Variants in PZP observed in about 807,000 individuals in gnomAD.
PZP encodes the protein PZP alpha-2-macroglobulin like.
PZP carries 150 observed loss-of-function variants against 179.8 expected under a neutral mutation model. That is an observed-to-expected ratio of 0.83 (90% CI 0.73 to 0.96). The LOEUF is 0.96. Among genes scored for constraint, PZP ranks in the 40% least tolerant of loss-of-function variants. The pLI is 0.00. For synonymous variants in PZP, 624 were observed against 652.3 expected (o/e 0.96, Z 0.66); for missense variants, 1,689 against 1,764.0 (o/e 0.96, Z 0.76).
In PZP at chr12:9,196,664, T is replaced by TCA; in HGVS notation, c.888_889insTG (p.Thr297Ter). ...AGCATTTTGGTGTGTACTTGTTGGG[T>TCA]GATGCAGCCATTGCTGTTAAGCTGA... On this transcript the variant is annotated frameshift_variant, in exon 9 of 36. Coordinates refer to ENST00000261336, the MANE Select transcript of PZP (RefSeq NM_002864.3). LOFTEE classifies it high-confidence loss of function. 1 of 1,612,362 alleles carries TCA rather than the reference T, an allele frequency of 6.2e-7. No homozygotes were observed. Among genetic ancestry groups the TCA allele is most frequent in the Non-Finnish European group, 8.5e-7 (1 of 1,178,442 alleles).
rs1447905512 is a variant in PZP, at chr12:9,149,558, TA to T, written c.4426+2del. Reference sequence around the variant, plus strand: ...GTACTGGTCATAAGTGGTGAACTCTTACCTGTGCTGCAGGGGGCGATATACT... The same window carrying T: ...GTACTGGTCATAAGTGGTGAACTCTTCCTGTGCTGCAGGGGGCGATATACT... On this transcript the variant is annotated splice_donor_variant, in intron 35 of 35. Coordinates refer to ENST00000261336, the MANE Select transcript of PZP (RefSeq NM_002864.3). LOFTEE classifies it high-confidence loss of function. 4 of 1,612,390 alleles carry T rather than the reference TA, an allele frequency of 2.5e-6. No homozygotes were observed. The Admixed American group carries it at 6.7e-5, about 27-fold the overall frequency.
intron 28 of PZP, 55 bp from the exon 29 acceptor site, chr12:9,154,894 G>T: frequency 6.7e-7 from 1 of 1,486,504 alleles, no homozygotes; most frequent in African/African-American, 1.4e-5. Context: ...AATTATAACT[G>T]GTAGATAAGA....
At chr12:9,165,057 C>G (rs976226005) in intron 19 of PZP, 82 bp downstream of exon 19, 1 of 1,489,636 alleles carries the variant, frequency 6.7e-7, no homozygotes, top group Non-Finnish European at 9.3e-7. Flanking sequence ...TATCCTTAGT[C>G]TCAGGAACAG....
At chr12:9,142,790 A>G in the PZP span, among the ~76,000 whole-genome samples, 1 of 152,234 alleles carries the variant, frequency 6.6e-6, no homozygotes, top group Non-Finnish European at 1.5e-5. Flanking sequence ...CTGAGAGACA[A>G]AGACAGATTT....
At chr12:9,151,464 A>T in intron 33 of PZP, 140 bp downstream of exon 33, 1 of 583,250 alleles carries the variant, frequency 1.7e-6, no homozygotes. Flanking sequence ...TTCCCCTCTT[A>T]TTCTTCTTGG....
chr12:9,192,830 C>T lies in PZP; in HGVS notation c.1255-91G>A, dbSNP rs927003112. 4 of 861,936 alleles carry T rather than the reference C, an allele frequency of 4.6e-6. No individual in the cohort carries two copies. The African/African-American group carries it at 5.0e-5, about 11-fold the overall frequency. 53.4% of individuals were successfully genotyped at this position (861,936 alleles called of 1,614,324 possible). A position where few individuals can be genotyped will look rare whatever the true frequency, so the allele number is the denominator to read the frequency against. ...AATGAATAGTTACAACGGTGTCTTC[C>T]ACTCTAAAATACACTATGCCTCTCC... is the stretch of plus-strand genomic sequence containing the variant. On this transcript the variant is annotated intron_variant, in intron 11 of 35. Coordinates refer to ENST00000261336, the MANE Select transcript of PZP (RefSeq NM_002864.3).
chr12:9,169,036 T>G, intron 16 of PZP, 62 bp from the exon 17 acceptor site: 1 of 1,238,280 alleles, frequency 8.1e-7, no homozygotes, highest in Non-Finnish European at 1.2e-6. Flanking sequence ...AAACATATTA[T>G]CCTTAGAGAC....
At position 9,154,795 on chromosome 12, in the gene PZP, C is replaced by G. The variant is rs767201731; in HGVS notation, c.3595G>C (p.Val1199Leu). The G allele has an allele frequency of 2.5e-6, 4 of 1,614,006 alleles. No homozygotes were observed. In the African/African-American group the frequency reaches 4.0e-5, roughly 16 times the overall value. ...GCCTGGGTTTGGTAAAGATGCCCCA[C>G]TGGTGCCTTGGGTCTCTGAGGGCGC... ...WERPQRPKAP[V>L]GHLYQTQAPS... The change falls in exon 29 of 36, where the codon GTG (valine) becomes CTG (leucine). Residue 1199 changes from valine (V) to leucine (L), a missense_variant. Physicochemically the swap from Val to Leu is conservative, Grantham distance 32. This residue lies in a region of PZP where 746 missense variants were observed against 749.2 expected (regional missense o/e 1.00). Coordinates refer to ENST00000261336, the MANE Select transcript of PZP (RefSeq NM_002864.3).
chr12:9,181,967 T>G lies in PZP; in HGVS notation c.1689+8A>C. 1 of 1,612,430 alleles carries G rather than the reference T, an allele frequency of 6.2e-7. No individual in the cohort carries two copies. The highest frequency in any genetic ancestry group is 8.5e-7 in the Non-Finnish European group (1 of 1,179,178). On this transcript the variant is annotated splice_region_variant and intron_variant, in intron 14 of 35. Transcript: ENST00000261336. ...TGTGTTCTTTTAATTTTATGTTAAA[T>G]CGCTCACCTTGTTGGCTAGACAGTT...
At chr12:9,198,287 G>C (rs1943953166) in intron 7 of PZP, among the ~76,000 whole-genome samples, 1 of 151,966 alleles carries the variant, frequency 6.6e-6, no homozygotes, top group Non-Finnish European at 1.5e-5. Flanking sequence ...AGGAGTTTGA[G>C]GCTACAGTGA....
chr12:9,173,249 G>A (rs1048036703), intron 15 of PZP, among the ~76,000 whole-genome samples: 2 of 152,224 alleles, frequency 1.3e-5, no homozygotes, highest in African/African-American at 4.8e-5. Flanking sequence ...AATTAAGGCA[G>A]AAATCAAGAA....
At chr12:9,172,872 A>T (rs1269214532) in intron 15 of PZP, among the ~76,000 whole-genome samples, 2 of 152,212 alleles carry the variant, frequency 1.3e-5, no homozygotes, top group East Asian at 3.8e-4. Flanking sequence ...CCACACAATA[A>T]TAGCGAGAGA....
At chr12:9,200,763 TG>T in intron 6 of PZP, 128 bp downstream of exon 6, 1 of 979,096 alleles carries the variant, frequency 1.0e-6, no homozygotes, top group Non-Finnish European at 1.5e-6. Flanking sequence ...ACCGTCCTAA[TG>T]GTCTTAGAAG....
chr12:9,161,997 T>C (rs1941236735), intron 22 of PZP, among the ~76,000 whole-genome samples: 1 of 152,208 alleles, frequency 6.6e-6, no homozygotes, highest in African/African-American at 2.4e-5. Flanking sequence ...AGTCTCACTC[T>C]GTTGCCCAGG....
chr12:9,184,392 C>T (rs1258350745), intron 13 of PZP, among the ~76,000 whole-genome samples: 1 of 152,240 alleles, frequency 6.6e-6, no homozygotes, highest in African/African-American at 2.4e-5. Flanking sequence ...GTCCTGCACC[C>T]ACCAGTGCCC....
In PZP at chr12:9,202,575, C is replaced by A. The variant is rs751794293; in HGVS notation, c.377G>T (p.Ser126Ile). Residue 126 changes from serine (S) to isoleucine (I), a missense_variant, in exon 3 of 36, where the codon AGT (serine) becomes ATT (isoleucine). Around this residue, in one of 3 missense-constraint regions of PZP, gnomAD observed 742 missense variants for 730.5 expected, o/e 1.02. Transcript: ENST00000261336. ...RNTVLVLNTQ[S>I]LVFVQTDKPM... Reference sequence around the variant, plus strand: ...TTTGTCTGTCTGGACAAAGACCAGACTTTGGGTGTTCAGTACCAGAACTGT... The same window carrying A: ...TTTGTCTGTCTGGACAAAGACCAGAATTTGGGTGTTCAGTACCAGAACTGT... 1.9e-6 allele frequency: 3 copies of A among 1,613,986 alleles called. No individual in the cohort carries two copies. Among genetic ancestry groups the A allele is most frequent in the Non-Finnish European group, 2.5e-6 (3 of 1,180,022 alleles).
intron 11 of PZP, 48 bp from the exon 12 acceptor site, chr12:9,192,787 A>G: frequency 7.5e-7 from 1 of 1,334,424 alleles, no homozygotes; most frequent in Non-Finnish European, 1.1e-6. Flanking sequence ...GAAATTCTTC[A>G]CCTTAGCTTC....
intron 30 of PZP, 79 bp downstream of exon 30, chr12:9,153,046 C>A: frequency 6.2e-7 from 1 of 1,604,628 alleles, no homozygotes; most frequent in South Asian, 1.1e-5. Context: ...TTTACTTTCC[C>A]AGGAAGGAAG....
At chr12:9,200,222 TAGTA>T (rs1372855266) in intron 7 of PZP, 138 bp downstream of exon 7, 17 of 522,058 alleles carry the variant, frequency 3.3e-5, no homozygotes, top group South Asian at 1.1e-4. Flanking sequence ...AAAATTTTAA[TAGTA>T]AGTCGTTAAA....
Sources: gnomAD v4.1 joint callset for allele counts (sites outside exome capture counted in the v4.1 genomes callset) on GRCh38, gnomAD v4.1.1 for gene constraint, gnomAD v4.1.1 regional missense constraint, MANE v1.5 for transcripts, NCBI Gene and HGNC (gene_info 2026-07-23, HGNC 2026-07-21) for gene names.